CNTNAP2: variants seen among roughly 807,000 people sequenced by gnomAD.
CNTNAP2 encodes contactin-associated protein-like 2.
A neutral mutation model predicts 155.2 loss-of-function variants in CNTNAP2; 98 were observed. The ratio of observed to expected loss-of-function variants is 0.63; its 90% CI spans 0.54 to 0.75. CNTNAP2 has a LOEUF of 0.75. CNTNAP2 is among the 30% of genes least tolerant of loss of function. The pLI, the probability that CNTNAP2 is intolerant of heterozygous loss-of-function variation, is 0.00. For missense variants in CNTNAP2, 1,727 were observed against 1,688.1 expected (o/e 1.02, Z -0.40); for synonymous variants, 651 against 631.2 (o/e 1.03, Z -0.47).
At chr7:146,207,363 A>G (rs1330374452) in intron 1 of CNTNAP2, among the ~76,000 whole-genome samples, 3 of 151,994 alleles carry the variant, frequency 2.0e-5, no homozygotes, top group Admixed American at 6.6e-5. Flanking sequence ...GTTTTCTTTA[A>G]TGGGGATTAA....
At chr7:147,028,959 C>CTTTTTTTTTTTT (rs397889433) in intron 3 of CNTNAP2, among the ~76,000 whole-genome samples, 1 of 103,744 alleles carries the variant, frequency 9.6e-6, no homozygotes, top group Non-Finnish European at 1.8e-5. Flanking sequence ...AAGATATGTT[C>CTTTTTTTTTTTT]TTTTTTTTTT....
chr7:146,738,571 C>T (rs1801658699), intron 1 of CNTNAP2, among the ~76,000 whole-genome samples: 1 of 151,596 alleles, frequency 6.6e-6, no homozygotes, highest in South Asian at 2.1e-4. Context: ...GATGTCATAT[C>T]TAAAAAGTTT....
rs893350721 is a variant in CNTNAP2 at position 148,291,293 on chromosome 7, TATATA to T, written c.3475+24173_3475+24177del. Among the ~76,000 whole-genome samples the T allele has an allele frequency of 2.1e-3, 159 of 74,146 alleles. 1 individual carries two copies. Among genetic ancestry groups the T allele is most frequent in the African/African-American group, 7.9e-3 (155 of 19,706 alleles). 48.6% of individuals were successfully genotyped at this position (74,146 alleles called of 152,430 possible). ...AGAGGGACAGAACTAATGGAATATA[TATATA>T]ATATATATATATATAAAATATGGAA... On this transcript the variant is annotated intron_variant, in intron 21 of 23. Coordinates refer to ENST00000361727, the MANE Select transcript of CNTNAP2 (RefSeq NM_014141.6).
chr7:147,251,496 G>C (rs1306614742), intron 8 of CNTNAP2, among the ~76,000 whole-genome samples: 1 of 152,198 alleles, frequency 6.6e-6, no homozygotes, highest in Non-Finnish European at 1.5e-5. Flanking sequence ...CTGACCTGTG[G>C]AGTGACTTGA....
At chr7:148,056,104 G>C (rs574105005) in intron 15 of CNTNAP2, among the ~76,000 whole-genome samples, 1 of 152,340 alleles carries the variant, frequency 6.6e-6, no homozygotes, top group Non-Finnish European at 1.5e-5. Flanking sequence ...GCAGCCTAAA[G>C]AGTGGGCTCT....
chr7:146,343,591 C>A (rs527817299), intron 1 of CNTNAP2, among the ~76,000 whole-genome samples: 136 of 152,092 alleles, frequency 8.9e-4, no homozygotes, highest in African/African-American at 3.3e-3. Flanking sequence ...TGCAGTAATA[C>A]TTGAAACATT....
At chr7:147,955,512 TATTTGGTCCAATAGTTAATGG>T (rs1403572227) in intron 14 of CNTNAP2, among the ~76,000 whole-genome samples, 1 of 152,152 alleles carries the variant, frequency 6.6e-6, no homozygotes, top group East Asian at 1.9e-4. Flanking sequence ...TTATGAAAAT[TATTTGGTCCAATAGTTAATGG>T]ATCCCCTGAA....
intron 4 of CNTNAP2, among the ~76,000 whole-genome samples, chr7:147,089,263 G>C (rs1800347784): frequency 6.6e-6 from 1 of 152,084 alleles, no homozygotes; most frequent in Non-Finnish European, 1.5e-5. Flanking sequence ...CAAGTGATCG[G>C]AGTCCTGGCC....
intron 3 of CNTNAP2, among the ~76,000 whole-genome samples, chr7:146,878,631 G>A (rs1449764394): frequency 6.6e-6 from 1 of 152,018 alleles, no homozygotes; most frequent in Non-Finnish European, 1.5e-5. Flanking sequence ...TTAATTGCCA[G>A]GAGGCCCTTC....
chr7:147,367,852 C>T (rs182974115), intron 9 of CNTNAP2, among the ~76,000 whole-genome samples: 3 of 151,740 alleles, frequency 2.0e-5, no homozygotes, highest in South Asian at 2.1e-4. Flanking sequence ...TGGTTAATGC[C>T]ATGGACCATT....
chr7:147,295,340 A>G (rs1229248993), intron 8 of CNTNAP2, among the ~76,000 whole-genome samples: 3 of 152,072 alleles, frequency 2.0e-5, no homozygotes, highest in Non-Finnish European at 4.4e-5. Context: ...TCATGGATGC[A>G]CAGGGTCTAT....
intron 1 of CNTNAP2, among the ~76,000 whole-genome samples, chr7:146,196,929 G>A (rs1798785492): frequency 1.3e-5 from 2 of 152,094 alleles, no homozygotes. Context: ...TCAAGTTAGT[G>A]TGAAAGCTGC....
chr7:147,177,005 T>TTA (rs1554447357), intron 8 of CNTNAP2, among the ~76,000 whole-genome samples: 1 of 142,248 alleles, frequency 7.0e-6, no homozygotes, highest in Non-Finnish European at 1.5e-5. Context: ...ATATCTATAA[T>TTA]TATATATAAT....
chr7:146,898,975 T>A (rs1795937597), intron 3 of CNTNAP2, among the ~76,000 whole-genome samples: 2 of 152,172 alleles, frequency 1.3e-5, no homozygotes, highest in South Asian at 4.1e-4. Flanking sequence ...CTCCTTGTTT[T>A]AAATTCAATG....
chr7:147,539,132 C>CAT (rs574036735), intron 11 of CNTNAP2, among the ~76,000 whole-genome samples: 194 of 152,196 alleles, frequency 1.3e-3, no homozygotes, highest in Non-Finnish European at 2.4e-3. Flanking sequence ...TATATACACA[C>CAT]ATATATATAC....
intron 11 of CNTNAP2, among the ~76,000 whole-genome samples, chr7:147,502,732 T>A (rs1798839050): frequency 7.8e-6 from 1 of 128,290 alleles, no homozygotes; most frequent in African/African-American, 3.1e-5. Context: ...TGTGTGTGTG[T>A]GTGTGTGTGT....
chr7:147,987,905 G>T (rs1801646612), intron 15 of CNTNAP2, among the ~76,000 whole-genome samples: 1 of 152,098 alleles, frequency 6.6e-6, no homozygotes, highest in African/African-American at 2.4e-5. Context: ...ATGTTGGCCA[G>T]GCTGGCCTCG....
At chr7:147,932,975 C>T (rs1263301941) in intron 14 of CNTNAP2, among the ~76,000 whole-genome samples, 1 of 152,058 alleles carries the variant, frequency 6.6e-6, no homozygotes, top group Non-Finnish European at 1.5e-5. Flanking sequence ...TTCAACATCA[C>T]TAATCATAGG....
intron 1 of CNTNAP2, among the ~76,000 whole-genome samples, chr7:146,336,280 G>T (rs936238205): frequency 4.6e-5 from 7 of 151,824 alleles, no homozygotes; most frequent in African/African-American, 1.2e-4. Context: ...TGGAGGCTTG[G>T]AGATATAGGT....
Sources: allele counts gnomAD v4.1 joint callset (sites outside exome capture counted in the v4.1 genomes callset), GRCh38; gene constraint gnomAD v4.1.1; transcripts MANE v1.5; gene names NCBI Gene and HGNC (gene_info 2026-07-23, HGNC 2026-07-21).